The following GALNT18 variants were observed in gnomAD, a reference collection of about 807,000 sequenced individuals.
GALNT18 encodes GalNAc-transferase 18.
Under a neutral mutation model 69.5 loss-of-function variants are expected in GALNT18, and 44 were observed. The ratio of observed to expected loss-of-function variants is 0.63; its 90% confidence interval spans 0.50 to 0.81. The LOEUF (loss-of-function observed/expected upper bound fraction) is 0.81. GALNT18 is among the 40% of genes least tolerant of loss of function. The pLI is 0.00. For missense variants in GALNT18, 715 were observed against 810.0 expected (o/e 0.88, Z 1.42); for synonymous variants, 364 against 318.2 (o/e 1.14, Z -1.53).
chr11:11,534,640 T>C (rs190756050), intron 1 of GALNT18, among the ~76,000 whole-genome samples: 4 of 152,328 alleles, frequency 2.6e-5, no homozygotes, highest in Admixed American at 2.6e-4. Context: ...CTCCTGCCAT[T>C]CTATGTGACT....
chr11:11,469,075 G>A lies in GALNT18; in HGVS notation c.236-20139C>T, dbSNP rs910389072. On this transcript the variant is annotated intron_variant, in intron 1 of 10. Coordinates refer to ENST00000227756, the MANE Select transcript of GALNT18 (RefSeq NM_198516.3). The surrounding 1 kb of genome is among the most constrained non-coding windows in gnomAD (Gnocchi z 4.2). ...CACAACCACTGCCTCTTGAGATGAG[G>A]CCACCAGGACACAGCACTCTTTAAC... Among the ~76,000 whole-genome samples the A allele has an allele frequency of 1.3e-5, 2 of 152,106 alleles. No homozygotes were observed. Among genetic ancestry groups the A allele is most frequent in the African/African-American group, 4.8e-5 (2 of 41,426 alleles).
At chr11:11,275,009 C>T (rs12797917) in intron 10 of GALNT18, among the ~76,000 whole-genome samples, 29,236 of 152,184 alleles carry the variant, frequency 0.19, 3,425 homozygotes, top group Non-Finnish European at 0.26. Context: ...AATAAACATA[C>T]ATGTGCATGG....
chr11:11,399,114 T>G (rs2133733006), intron 3 of GALNT18, among the ~76,000 whole-genome samples: 1 of 152,344 alleles, frequency 6.6e-6, no homozygotes, highest in South Asian at 2.1e-4. Flanking sequence ...AGAATTCATG[T>G]GGTCATGAAT....
chr11:11,319,604 G>C (rs1849810605), intron 9 of GALNT18, among the ~76,000 whole-genome samples: 2 of 152,134 alleles, frequency 1.3e-5, no homozygotes, highest in Non-Finnish European at 2.9e-5. Context: ...GGGTGCAAGA[G>C]CCCTTAGGAA....
At chr11:11,453,094 GT>G (rs1345766817) in intron 1 of GALNT18, among the ~76,000 whole-genome samples, 1 of 152,184 alleles carries the variant, frequency 6.6e-6, no homozygotes, top group Admixed American at 6.5e-5. Flanking sequence ...GAAAGGGAAA[GT>G]GAAGGGGCTG....
At position 11,462,856 on chromosome 11, in the gene GALNT18, G is replaced by A. The variant is rs139548664; in HGVS notation, c.236-13920C>T. ...CTGCTCAGTGCTCCCTCCACCACCC[G>A]GGAGGGGTCCTGCAAAATGGCTCTG... On this transcript the variant is annotated intron_variant, in intron 1 of 10. Transcript: ENST00000227756. Among the ~76,000 whole-genome samples the A allele has an allele frequency of 3.9e-3, 591 of 152,254 alleles. 3 individuals carry two copies. The highest frequency in any genetic ancestry group is 0.014 in the African/African-American group (571 of 41,538).
chr11:11,298,909 C>A (rs374598614), intron 9 of GALNT18, among the ~76,000 whole-genome samples: 1 of 152,198 alleles, frequency 6.6e-6, no homozygotes, highest in Non-Finnish European at 1.5e-5. Context: ...ACCAAAGAGC[C>A]TTTGCAAACA....
chr11:11,276,853 G>C (rs1383769601), intron 10 of GALNT18, among the ~76,000 whole-genome samples: 1 of 152,174 alleles, frequency 6.6e-6, no homozygotes, highest in African/African-American at 2.4e-5. Context: ...GCAGCCCAGG[G>C]ATGAAGCTGA....
At chr11:11,343,481 C>A (rs898182674) in intron 6 of GALNT18, among the ~76,000 whole-genome samples, 47 of 152,312 alleles carry the variant, frequency 3.1e-4, no homozygotes, top group Admixed American at 1.1e-3. Flanking sequence ...ACACTTCCCC[C>A]ACGATGATCA....
In GALNT18 at chr11:11,339,657, G is replaced by A. The variant is rs1202655568; in HGVS notation, c.1278+1162C>T. On this transcript the variant is annotated intron_variant, in intron 7 of 10. Transcript: ENST00000227756. The surrounding 1 kb of genome is among the most constrained non-coding windows in gnomAD (Gnocchi z 5.2). ...ACTGTCAGGAATGCAATCCCGGGCTGGTACATTAGAGTTGGCTGCACTCTG... is the reference window on the plus strand; with the variant it reads ...ACTGTCAGGAATGCAATCCCGGGCTAGTACATTAGAGTTGGCTGCACTCTG... 6.6e-6 allele frequency among the ~76,000 whole-genome samples: 1 copy of A among 152,136 alleles called. No individual in the cohort carries two copies. The highest frequency in any genetic ancestry group is 2.4e-5 in the African/African-American group (1 of 41,404).
rs937771432 is a variant in GALNT18 at position 11,596,631 on chromosome 11, G to A, written c.235+24728C>T. 6.6e-6 allele frequency among the ~76,000 whole-genome samples: 1 copy of A among 151,956 alleles called. No individual in the cohort carries two copies. The highest frequency in any genetic ancestry group is 1.5e-5 in the Non-Finnish European group (1 of 67,960). Reference sequence around the variant, plus strand: ...TATTCTTTTTGATTCCATTATACATGATTTTTTATAGTTTGTTTTCAGATC... The same window carrying A: ...TATTCTTTTTGATTCCATTATACATAATTTTTTATAGTTTGTTTTCAGATC... On this transcript the variant is annotated intron_variant, in intron 1 of 10. Coordinates refer to ENST00000227756, the MANE Select transcript of GALNT18 (RefSeq NM_198516.3). This position sits in a 1 kb window ranked among gnomAD's most constrained non-coding sequence, Gnocchi z 4.2.
In GALNT18 at chr11:11,320,525, A is replaced by G. The variant is rs1396635527; in HGVS notation, c.1512+6561T>C. Among the ~76,000 whole-genome samples, 3 of 152,180 alleles carry G rather than the reference A, an allele frequency of 2.0e-5. No individual in the cohort carries two copies. The highest frequency in any genetic ancestry group is 4.4e-5 in the Non-Finnish European group (3 of 68,020). On this transcript the variant is annotated intron_variant, in intron 9 of 10. Transcript: ENST00000227756. The surrounding 1 kb of genome is among the most constrained non-coding windows in gnomAD (Gnocchi z 4.9). ...GGACCAAGTCTGTAGGATTCAGAGG[A>G]TCTTTGGGGTCCTCACCTGTCCACA...
At position 11,295,261 on chromosome 11, in the gene GALNT18, A is replaced by G. The variant is rs576910044; in HGVS notation, c.1513-2068T>C. On this transcript the variant is annotated intron_variant, in intron 9 of 10. Transcript: ENST00000227756. ...TGTATCAGTCAATGCTTCAACAGGAAAGAGACGGCCCACTTTAGTAGGGGG... is the reference window on the plus strand; with the variant it reads ...TGTATCAGTCAATGCTTCAACAGGAGAGAGACGGCCCACTTTAGTAGGGGG... Among the ~76,000 whole-genome samples, 3 of 152,226 alleles carry G rather than the reference A, an allele frequency of 2.0e-5. No homozygotes were observed. The East Asian group carries it at 5.8e-4, about 29-fold the overall frequency.
rs1849720466 is a variant in GALNT18 at position 11,314,619 on chromosome 11, G to C, written c.1512+12467C>G. Among the ~76,000 whole-genome samples the C allele has an allele frequency of 6.6e-6, 1 of 152,174 alleles. No individual in the cohort carries two copies. On this transcript the variant is annotated intron_variant, in intron 9 of 10. Coordinates refer to ENST00000227756, the MANE Select transcript of GALNT18 (RefSeq NM_198516.3). The surrounding 1 kb of genome is among the most constrained non-coding windows in gnomAD (Gnocchi z 5.2). ...GAAATAAGGTTCTTTCTAAAAGCAG[G>C]GTGGGAAGCTGGCTGGGTGCTCACC... is the stretch of plus-strand genomic sequence containing the variant.
chr11:11,327,782 A>G (rs1393054953), intron 8 of GALNT18, among the ~76,000 whole-genome samples: 1 of 152,186 alleles, frequency 6.6e-6, no homozygotes, highest in African/African-American at 2.4e-5. Context: ...AGTCTTGGCA[A>G]TTAACACATG....
chr11:11,571,464 GCCC>G (rs1158195543), intron 1 of GALNT18, among the ~76,000 whole-genome samples: 22 of 152,156 alleles, frequency 1.4e-4, no homozygotes, highest in Admixed American at 1.4e-3. Context: ...GCTTCCAGAA[GCCC>G]CCCAAGGCTC....
intron 1 of GALNT18, among the ~76,000 whole-genome samples, chr11:11,527,197 C>T (rs1857544003): frequency 6.6e-6 from 1 of 152,164 alleles, no homozygotes; most frequent in Admixed American, 6.5e-5. Flanking sequence ...CAACTCTGCA[C>T]TAAGGATGGA....
Position 11,413,883 on chromosome 11 carries a change from C to T in GALNT18, c.595+18738G>A, listed in dbSNP as rs774552209. 3.9e-5 allele frequency among the ~76,000 whole-genome samples: 6 copies of T among 152,212 alleles called. No individual in the cohort carries two copies. Among genetic ancestry groups the T allele is most frequent in the Non-Finnish European group, 5.9e-5 (4 of 68,040 alleles). On this transcript the variant is annotated intron_variant, in intron 3 of 10. Coordinates refer to ENST00000227756, the MANE Select transcript of GALNT18 (RefSeq NM_198516.3). This position sits in a 1 kb window ranked among gnomAD's most constrained non-coding sequence, Gnocchi z 4.7. ...ATCTATCCAAATGCCCCCTAAAGAT[C>T]GTCCCTCAGCTGTTTCACAGGCAGG...
chr11:11,290,911 C>T (rs1172144514), intron 10 of GALNT18, among the ~76,000 whole-genome samples: 1 of 152,164 alleles, frequency 6.6e-6, no homozygotes, highest in Non-Finnish European at 1.5e-5. Context: ...CACTCACCTC[C>T]ACGGAGCCCG....
Sources: allele counts gnomAD v4.1 joint callset (sites outside exome capture counted in the v4.1 genomes callset), GRCh38; gene constraint gnomAD v4.1.1; non-coding constraint Gnocchi (gnomAD v3.1); transcripts MANE v1.5; gene names NCBI Gene and HGNC (gene_info 2026-07-23, HGNC 2026-07-21).